Variants in TSC22D1 observed in about 807,000 individuals in gnomAD.
The protein encoded by TSC22D1 is TSC22 domain family protein 1.
In TSC22D1, 9 loss-of-function variants were observed where a neutral mutation model predicts 74.2. The ratio of observed to expected loss-of-function variants is 0.12; its 90% CI spans 0.07 to 0.21. TSC22D1 has a LOEUF of 0.21. Ranked by LOEUF, TSC22D1 falls within the 10% of genes least tolerant of loss-of-function variation. TSC22D1 has a pLI of 1.00. For synonymous variants in TSC22D1, 586 were observed against 492.5 expected, an observed-to-expected ratio of 1.19 and a Z score of -2.51; for missense variants, 1,427 against 1,304.7, an observed-to-expected ratio of 1.09 and a Z score of -1.44.
intron 1 of TSC22D1, among the ~76,000 whole-genome samples, chr13:44,446,275 T>C (rs1368480802): frequency 6.6e-6 from 1 of 152,152 alleles, no homozygotes; most frequent in African/African-American, 2.4e-5. Context: ...CTGCAAACCA[T>C]ATGATTCCAT....
At chr13:44,455,639 A>ATTT (rs1876530094) in intron 1 of TSC22D1, among the ~76,000 whole-genome samples, 1 of 152,210 alleles carries the variant, frequency 6.6e-6, no homozygotes, top group African/African-American at 2.4e-5. Context: ...TGTCTACAAA[A>ATTT]TTTAAGCACT....
At chr13:44,529,620 T>C (rs1439933320) in intron 1 of TSC22D1, among the ~76,000 whole-genome samples, 1 of 152,074 alleles carries the variant, frequency 6.6e-6, no homozygotes, top group African/African-American at 2.4e-5. Flanking sequence ...ATGAAAGGTA[T>C]GCAGATTGAA....
intron 1 of TSC22D1, among the ~76,000 whole-genome samples, chr13:44,498,671 C>T (rs1389699703): frequency 6.6e-6 from 1 of 152,258 alleles, no homozygotes; most frequent in Middle Eastern, 3.4e-3. Flanking sequence ...GTCATTCAGT[C>T]AAGCATAAAA....
chr13:44,509,050 T>C (rs1392508538), intron 1 of TSC22D1, among the ~76,000 whole-genome samples: 1 of 152,134 alleles, frequency 6.6e-6, no homozygotes. Context: ...GCCATACTCA[T>C]TGAATGAAGA....
chr13:44,458,782 C>T (rs2138942591), intron 1 of TSC22D1, among the ~76,000 whole-genome samples: 1 of 152,292 alleles, frequency 6.6e-6, no homozygotes, highest in South Asian at 2.1e-4. Flanking sequence ...TGTGTGTGCG[C>T]TCGGGGCAGC....
chr13:44,575,360 G>A lies in TSC22D1; in HGVS notation c.715C>T (p.Pro239Ser). The A allele has an allele frequency of 6.2e-7, 1 of 1,614,182 alleles. No individual in the cohort carries two copies. ...GCACTGGCCACAGCAACATGAGATG[G>A]ATGGTGGTGACCATGTTGGAGGTGG... ...GHHLQHGHHH[P>S]SHVAVASASI... Residue 239 changes from proline (P) to serine (S), a missense_variant, in exon 1 of 3, where the codon CCA becomes TCA. By Grantham distance (74) the Pro-to-Ser change is moderately conservative (BLOSUM62 -1). This residue lies in a region of TSC22D1 where 1,343 missense variants were observed against 1,191.5 expected (regional missense o/e 1.13). Coordinates refer to ENST00000458659, the MANE Select transcript of TSC22D1 (RefSeq NM_183422.4).
chr13:44,502,094 A>G (rs1879247733), intron 1 of TSC22D1, among the ~76,000 whole-genome samples: 1 of 152,156 alleles, frequency 6.6e-6, no homozygotes, highest in Non-Finnish European at 1.5e-5. Context: ...TCGTTTCAAT[A>G]TATTTGTAAA....
intron 1 of TSC22D1, among the ~76,000 whole-genome samples, chr13:44,514,511 TAC>T (rs943387729): frequency 4.0e-5 from 6 of 151,218 alleles, no homozygotes; most frequent in Non-Finnish European, 7.4e-5. Flanking sequence ...AACACACACA[TAC>T]ACACACACAC....
intron 1 of TSC22D1, among the ~76,000 whole-genome samples, chr13:44,562,008 C>T (rs1284207636): frequency 6.6e-6 from 1 of 152,064 alleles, no homozygotes; most frequent in Non-Finnish European, 1.5e-5. Flanking sequence ...TTATAATCAT[C>T]TAAGGACAAT....
chr13:44,507,964 G>A (rs1379358885), intron 1 of TSC22D1, among the ~76,000 whole-genome samples: 3 of 152,272 alleles, frequency 2.0e-5, no homozygotes, highest in Middle Eastern at 3.4e-3. Flanking sequence ...TCTAACTTGC[G>A]ACAGCAGTTA....
intron 1 of TSC22D1, chr13:44,539,537 G>C (rs891463997): frequency 5.9e-5 from 58 of 985,268 alleles, no homozygotes; most frequent in Non-Finnish European, 7.0e-5. Flanking sequence ...ATAGGCATTC[G>C]TCAAATCATG....
chr13:44,548,536 C>G (rs925576570), intron 1 of TSC22D1, among the ~76,000 whole-genome samples: 3 of 152,156 alleles, frequency 2.0e-5, no homozygotes, highest in Non-Finnish European at 2.9e-5. Context: ...TAAGCTTAAG[C>G]AAGTTAACTT....
intron 1 of TSC22D1, among the ~76,000 whole-genome samples, chr13:44,454,969 T>C (rs2138926484): frequency 6.6e-6 from 1 of 152,306 alleles, no homozygotes; most frequent in East Asian, 1.9e-4. Flanking sequence ...GAGCACCCAT[T>C]TTGTGTCAGG....
At chr13:44,441,111 A>G (rs946681237) in intron 1 of TSC22D1, among the ~76,000 whole-genome samples, 1 of 152,210 alleles carries the variant, frequency 6.6e-6, no homozygotes, top group Non-Finnish European at 1.5e-5. Flanking sequence ...CCAGGAACTC[A>G]GATACTGGAG....
chr13:44,570,208 A>G (rs9595157), intron 1 of TSC22D1, among the ~76,000 whole-genome samples: 23,650 of 125,274 alleles, frequency 0.19, 2,275 homozygotes, highest in African/African-American at 0.32. Flanking sequence ...TTTTTTTTTT[A>G]GAGACAGGGT....
At chr13:44,451,081 A>T (rs1311378262) in intron 1 of TSC22D1, among the ~76,000 whole-genome samples, 2 of 152,186 alleles carry the variant, frequency 1.3e-5, no homozygotes, top group Admixed American at 6.5e-5. Flanking sequence ...GGGAGCGGGG[A>T]AATGAAGAGA....
At chr13:44,543,985 C>T (rs1881645726) in intron 1 of TSC22D1, among the ~76,000 whole-genome samples, 1 of 151,942 alleles carries the variant, frequency 6.6e-6, no homozygotes, top group South Asian at 2.1e-4. Context: ...CCCACCTACT[C>T]GGGAGGCTGA....
intron 1 of TSC22D1, among the ~76,000 whole-genome samples, chr13:44,480,117 TG>T (rs199996709): frequency 0.015 from 2,320 of 152,338 alleles, 28 homozygotes; most frequent in Non-Finnish European, 0.025. Flanking sequence ...TTAAATTGAA[TG>T]TATAAGATGT....
intron 1 of TSC22D1, among the ~76,000 whole-genome samples, chr13:44,543,961 C>T (rs746967557): frequency 2.5e-4 from 38 of 152,004 alleles, no homozygotes; most frequent in Non-Finnish European, 4.7e-4. Flanking sequence ...GGCATGGTGG[C>T]GCTCACCTGT....
Sources: gnomAD v4.1 joint callset for allele counts (sites outside exome capture counted in the v4.1 genomes callset) on GRCh38, gnomAD v4.1.1 for gene constraint, gnomAD v4.1.1 regional missense constraint, MANE v1.5 for transcripts, NCBI Gene and HGNC (gene_info 2026-07-23, HGNC 2026-07-21) for gene names.